The following DLG2 variants were observed in gnomAD, a reference collection of about 807,000 sequenced individuals.
DLG2 encodes the protein discs large MAGUK scaffold protein 2.
In DLG2, 45 loss-of-function variants were observed where a neutral mutation model predicts 132.5. That is an observed-to-expected ratio of 0.34 (90% CI 0.27 to 0.44). The LOEUF is 0.44. Ranked by LOEUF, DLG2 falls within the 20% of genes least tolerant of loss-of-function variation. The pLI, the probability that DLG2 is intolerant of heterozygous loss-of-function variation, is 1.00. For missense variants in DLG2, 1,045 were observed against 1,196.9 expected, an observed-to-expected ratio of 0.87 and a Z score of 1.87; for synonymous variants, 424 against 419.6, an observed-to-expected ratio of 1.01 and a Z score of -0.13.
chr11:84,211,215 C>G (rs1294976913), intron 8 of DLG2, among the ~76,000 whole-genome samples: 1 of 152,078 alleles, frequency 6.6e-6, no homozygotes, highest in East Asian at 1.9e-4. Context: ...ATTGGTGATA[C>G]AAAAGTACTT....
At chr11:85,507,560 G>C (rs1009431434) in intron 3 of DLG2, among the ~76,000 whole-genome samples, 1 of 152,200 alleles carries the variant, frequency 6.6e-6, no homozygotes, top group Non-Finnish European at 1.5e-5. Flanking sequence ...ATGGCTTGCA[G>C]AGTTTCTGCC....
intron 3 of DLG2, among the ~76,000 whole-genome samples, chr11:85,346,908 G>A (rs1467161455): frequency 3.9e-5 from 6 of 152,092 alleles, no homozygotes; most frequent in African/African-American, 1.5e-4. Flanking sequence ...GAATGGGGTT[G>A]TAGGCAAAAG....
chr11:85,407,772 T>C (rs550319242), intron 3 of DLG2, among the ~76,000 whole-genome samples: 1 of 151,908 alleles, frequency 6.6e-6, no homozygotes, highest in East Asian at 1.9e-4. Context: ...GATGGAATAA[T>C]ACTTATACTC....
chr11:83,995,601 A>G (rs968466673), intron 11 of DLG2, among the ~76,000 whole-genome samples: 6 of 152,222 alleles, frequency 3.9e-5, no homozygotes, highest in Non-Finnish European at 7.3e-5. Context: ...TAACCAAAAC[A>G]GTATGATACT....
chr11:84,816,348 AT>A (rs2077082983), intron 6 of DLG2, among the ~76,000 whole-genome samples: 1 of 152,076 alleles, frequency 6.6e-6, no homozygotes, highest in South Asian at 2.1e-4. Flanking sequence ...TTGGAGTACA[AT>A]TTGTTAAATA....
chr11:85,453,189 C>A (rs533089836), intron 3 of DLG2: 1 of 354,240 alleles, frequency 2.8e-6, no homozygotes. Flanking sequence ...TGGGTACACA[C>A]CAAAGGCCAA....
chr11:84,978,195 G>C (rs1319382804), intron 6 of DLG2, among the ~76,000 whole-genome samples: 2 of 152,120 alleles, frequency 1.3e-5, no homozygotes, highest in African/African-American at 4.8e-5. Flanking sequence ...AACTCCGTCA[G>C]AAAGCTAAAG....
At chr11:85,303,179 C>T (rs2079712617) in intron 3 of DLG2, among the ~76,000 whole-genome samples, 1 of 152,152 alleles carries the variant, frequency 6.6e-6, no homozygotes, top group African/African-American at 2.4e-5. Context: ...AGCAAACCCC[C>T]ATTACTTAAG....
intron 3 of DLG2, among the ~76,000 whole-genome samples, chr11:85,410,438 A>C (rs936543648): frequency 6.6e-6 from 1 of 151,794 alleles, no homozygotes; most frequent in Admixed American, 6.6e-5. Context: ...CCCTTTCTCA[A>C]AAGAATTTAC....
intron 3 of DLG2, among the ~76,000 whole-genome samples, chr11:85,433,391 C>G (rs1373526519): frequency 1.3e-5 from 2 of 152,084 alleles, no homozygotes; most frequent in Non-Finnish European, 2.9e-5. Context: ...AGAGTCAAAA[C>G]CCACCAGTGT....
chr11:84,859,399 TATATATAC>T (rs983529872), intron 6 of DLG2, among the ~76,000 whole-genome samples: 8 of 145,224 alleles, frequency 5.5e-5, no homozygotes, highest in African/African-American at 2.0e-4. Context: ...CATATATATG[TATATATAC>T]ATATATATGT....
intron 6 of DLG2, among the ~76,000 whole-genome samples, chr11:84,996,305 CCT>C (rs2057648364): frequency 2.0e-5 from 3 of 152,120 alleles, no homozygotes; most frequent in Admixed American, 2.0e-4. Context: ...ACTGATTTTT[CCT>C]CTTTTTTCCT....
intron 18 of DLG2, among the ~76,000 whole-genome samples, chr11:83,676,096 T>C (rs2077638334): frequency 6.6e-6 from 1 of 152,188 alleles, no homozygotes; most frequent in Non-Finnish European, 1.5e-5. Flanking sequence ...GGAGACTGTC[T>C]TTATCCTACC....
intron 6 of DLG2, among the ~76,000 whole-genome samples, chr11:84,784,370 T>TAAATA (rs778698670): frequency 0.011 from 1,533 of 134,826 alleles, 13 homozygotes; most frequent in South Asian, 0.019. Context: ...ATAAATAAAT[T>TAAATA]AAACAAGAGT....
At chr11:85,460,211 A>T (rs2092561742) in intron 3 of DLG2, among the ~76,000 whole-genome samples, 1 of 152,136 alleles carries the variant, frequency 6.6e-6, no homozygotes, top group Non-Finnish European at 1.5e-5. Context: ...TGGGGGAATG[A>T]AGGGAGCCCG....
chr11:85,229,927 A>G (rs1337621545), intron 4 of DLG2, among the ~76,000 whole-genome samples: 1 of 152,078 alleles, frequency 6.6e-6, no homozygotes, highest in Non-Finnish European at 1.5e-5. Context: ...GGAGTTGAAC[A>G]ATGAGAACAC....
chr11:85,161,820 CA>C (rs2078050638), intron 4 of DLG2, among the ~76,000 whole-genome samples: 1 of 152,160 alleles, frequency 6.6e-6, no homozygotes, highest in African/African-American at 2.4e-5. Flanking sequence ...AGGGCTTGGC[CA>C]AAGTTCTCAA....
At chr11:83,490,777 TA>T (rs1172538458) in intron 21 of DLG2, among the ~76,000 whole-genome samples, 1 of 151,908 alleles carries the variant, frequency 6.6e-6, no homozygotes, top group South Asian at 2.1e-4. Flanking sequence ...ATGAAAACTA[TA>T]AAATATGTCA....
At chr11:84,197,547 C>T (rs983780597) in intron 8 of DLG2, among the ~76,000 whole-genome samples, 1 of 152,094 alleles carries the variant, frequency 6.6e-6, no homozygotes, top group Non-Finnish European at 1.5e-5. Flanking sequence ...CTAAAAAAGC[C>T]TCCAAAGAGT....
Sources: allele counts gnomAD v4.1 joint callset (sites outside exome capture counted in the v4.1 genomes callset), GRCh38; gene constraint gnomAD v4.1.1; transcripts MANE v1.5; gene names NCBI Gene and HGNC (gene_info 2026-07-23, HGNC 2026-07-21).